The following PPFIA2 variants were observed in gnomAD, a reference collection of about 807,000 sequenced individuals.
The protein encoded by PPFIA2 is PPFI scaffold protein A2, also known as liprin-alpha-2.
In PPFIA2, 46 loss-of-function variants were observed where a neutral mutation model predicts 175.5. The ratio of observed to expected loss-of-function variants is 0.26; its 90% CI spans 0.21 to 0.34. The LOEUF is 0.34. Ranked by LOEUF, PPFIA2 falls within the 10% of genes least tolerant of loss-of-function variation. PPFIA2 has a pLI of 1.00. For missense variants in PPFIA2, 1,179 were observed against 1,506.1 expected, an observed-to-expected ratio of 0.78 and a Z score of 3.60; for synonymous variants, 568 against 511.4, an observed-to-expected ratio of 1.11 and a Z score of -1.49.
rs147870788 is a variant in PPFIA2 at position 81,339,487 on chromosome 12, GT to G, written c.2394-154del. 4.5e-3 allele frequency among the ~76,000 whole-genome samples: 662 copies of G among 148,316 alleles called. 9 individuals are homozygous for G. Among genetic ancestry groups the G allele is most frequent in the African/African-American group, 0.015 (597 of 40,646 alleles). On this transcript the variant is annotated intron_variant, in intron 20 of 32. Coordinates refer to ENST00000549396, the MANE Select transcript of PPFIA2 (RefSeq NM_003625.5). ...GTTTCCTTTTAAGATATTAAATGCAGTTTTTTTTTTCAGCCTTTGGGCCCTG... is the reference window on the plus strand; with the variant it reads ...GTTTCCTTTTAAGATATTAAATGCAGTTTTTTTTTCAGCCTTTGGGCCCTG...
intron 26 of PPFIA2, among the ~76,000 whole-genome samples, chr12:81,281,914 A>G (rs955298296): frequency 2.6e-5 from 4 of 152,064 alleles, no homozygotes; most frequent in South Asian, 4.1e-4. Context: ...AGAGAAAGGA[A>G]TAAATGTTTT....
chr12:81,509,421 C>T (rs2061533533), intron 4 of PPFIA2, among the ~76,000 whole-genome samples: 1 of 152,204 alleles, frequency 6.6e-6, no homozygotes, highest in East Asian at 1.9e-4. Context: ...GGGTGAAATA[C>T]CAGGTATAGA....
At chr12:81,329,316 G>C (rs1224633542) in intron 21 of PPFIA2, among the ~76,000 whole-genome samples, 1 of 152,094 alleles carries the variant, frequency 6.6e-6, no homozygotes, top group African/African-American at 2.4e-5. Flanking sequence ...TTATCACCTT[G>C]TCAGGGTCCG....
chr12:81,419,761 T>A (rs1426608868), intron 7 of PPFIA2, among the ~76,000 whole-genome samples: 1 of 152,222 alleles, frequency 6.6e-6, no homozygotes, highest in East Asian at 1.9e-4. Context: ...GGATATAAAT[T>A]AGCTTTAAAA....
intron 4 of PPFIA2, among the ~76,000 whole-genome samples, chr12:81,543,499 T>C (rs2066522864): frequency 6.6e-6 from 1 of 152,110 alleles, no homozygotes; most frequent in Non-Finnish European, 1.5e-5. Flanking sequence ...TAAATGATGA[T>C]ATAAGTAAAT....
At chr12:81,290,158 C>T (rs1370097908) in intron 24 of PPFIA2, among the ~76,000 whole-genome samples, 1 of 151,614 alleles carries the variant, frequency 6.6e-6, no homozygotes, top group African/African-American at 2.4e-5. Context: ...ACACGAAATA[C>T]CTGGCTGAGG....
chr12:81,503,705 C>A (rs982018973), intron 4 of PPFIA2, among the ~76,000 whole-genome samples: 22 of 151,886 alleles, frequency 1.4e-4, no homozygotes, highest in African/African-American at 5.3e-4. Context: ...ATAAGTTGAG[C>A]ACATTGCTTA....
intron 4 of PPFIA2, among the ~76,000 whole-genome samples, chr12:81,458,168 A>G (rs1490474055): frequency 1.3e-5 from 2 of 152,274 alleles, no homozygotes; most frequent in East Asian, 3.9e-4. Flanking sequence ...GAGTAAATTT[A>G]AGTTTGGCTA....
intron 4 of PPFIA2, among the ~76,000 whole-genome samples, chr12:81,582,019 C>A (rs527519381): frequency 9.9e-5 from 15 of 151,826 alleles, no homozygotes; most frequent in Non-Finnish European, 2.1e-4. Context: ...AGATATAAGG[C>A]CCAAATTCAT....
rs376400098 is a variant in PPFIA2, at chr12:81,454,115, A to T, written c.405+3650T>A. Among the ~76,000 whole-genome samples, 35 of 152,216 alleles carry T rather than the reference A, an allele frequency of 2.3e-4. No homozygotes were observed. The East Asian group carries it at 6.0e-3, about 26-fold the overall frequency. On this transcript the variant is annotated intron_variant, in intron 5 of 32. Transcript: ENST00000549396. ...GTGGCTATAGTCCCAGCTACTTGGG[A>T]GGCTGAGGTGGGAAGATCACCTGAG... is the stretch of plus-strand genomic sequence containing the variant.
At chr12:81,363,992 G>T (rs1292972969) in intron 14 of PPFIA2, among the ~76,000 whole-genome samples, 1 of 151,826 alleles carries the variant, frequency 6.6e-6, no homozygotes, top group East Asian at 1.9e-4. Context: ...TAGTAGAAAA[G>T]ATGAATAATA....
intron 4 of PPFIA2, among the ~76,000 whole-genome samples, chr12:81,501,766 T>C (rs746998470): frequency 6.6e-6 from 1 of 152,180 alleles, no homozygotes; most frequent in Non-Finnish European, 1.5e-5. Context: ...AATGAAGTTT[T>C]AAAAAGAATA....
chr12:81,362,757 G>A lies in PPFIA2; in HGVS notation c.1573C>T (p.Leu525=). ...TTCAATTGGTCAAGTTCAGATCTCA[G>A]CTTTTCAATTTCTTCTGCTAATCTT... The part of the protein sequence containing the change: ...KERLAEEIEK[L]RSELDQLKMR... Residue 525 remains leucine, a synonymous_variant, in exon 15 of 33, where the codon CTG becomes TTG. Transcript: ENST00000549396. 1.3e-6 allele frequency: 2 copies of A among 1,545,852 alleles called. No homozygotes were observed. The highest frequency in any genetic ancestry group is 1.8e-6 in the Non-Finnish European group (2 of 1,142,742).
intron 4 of PPFIA2, among the ~76,000 whole-genome samples, chr12:81,673,331 G>C (rs1230378522): frequency 6.6e-6 from 1 of 152,094 alleles, no homozygotes; most frequent in Non-Finnish European, 1.5e-5. Context: ...CTTGGCCATA[G>C]GTACCAGACA....
At chr12:81,707,106 C>T (rs1316770959) in intron 3 of PPFIA2, among the ~76,000 whole-genome samples, 1 of 152,130 alleles carries the variant, frequency 6.6e-6, no homozygotes, top group Non-Finnish European at 1.5e-5. Context: ...AGGACATAGG[C>T]ACGGGAAAGG....
intron 8 of PPFIA2, among the ~76,000 whole-genome samples, chr12:81,395,220 A>G (rs1344505930): frequency 6.6e-6 from 1 of 152,070 alleles, no homozygotes; most frequent in African/African-American, 2.4e-5. Context: ...GGAGATAACA[A>G]TCACAGTAAC....
At chr12:81,604,071 T>C (rs2060054286) in intron 4 of PPFIA2, among the ~76,000 whole-genome samples, 1 of 151,706 alleles carries the variant, frequency 6.6e-6, no homozygotes, top group African/African-American at 2.4e-5. Context: ...GGTAGTTAAG[T>C]AGCAAAACAA....
At position 81,673,504 on chromosome 12, in the gene PPFIA2, C is replaced by A. The variant is rs114910863; in HGVS notation, c.303+3287G>T. ...TACAAAGCACTATTTAATTTAATAA[C>A]GAATTTTGCACTTTCAATTTTGATT... is the stretch of plus-strand genomic sequence containing the variant. On this transcript the variant is annotated intron_variant, in intron 4 of 32. Coordinates refer to ENST00000549396, the MANE Select transcript of PPFIA2 (RefSeq NM_003625.5). Among the ~76,000 whole-genome samples, 660 of 152,062 alleles carry A rather than the reference C, an allele frequency of 4.3e-3. 6 individuals carry two copies. The highest frequency in any genetic ancestry group is 0.015 in the African/African-American group (622 of 41,518).
At chr12:81,358,360 C>A in intron 15 of PPFIA2, 143 bp from the exon 16 acceptor site, 1 of 802,062 alleles carries the variant, frequency 1.2e-6, no homozygotes, top group South Asian at 1.8e-5. Flanking sequence ...ATTGTCATGA[C>A]TCTCTGAGGC....
Sources: allele counts gnomAD v4.1 joint callset (sites outside exome capture counted in the v4.1 genomes callset), GRCh38; gene constraint gnomAD v4.1.1; transcripts MANE v1.5; gene names NCBI Gene and HGNC (gene_info 2026-07-23, HGNC 2026-07-21).